ADNP2: variants seen among roughly 807,000 people sequenced by gnomAD.
ADNP2 encodes activity-dependent neuroprotector homeobox protein 2.
Under a neutral mutation model 16.4 loss-of-function variants are expected in ADNP2, and 8 were observed. The ratio of observed to expected loss-of-function variants is 0.49; its 90% CI spans 0.29 to 0.88. The LOEUF (loss-of-function observed/expected upper bound fraction) is 0.88, where lower values mean the gene tolerates loss of function less well. Ranked by LOEUF, ADNP2 falls within the 40% of genes least tolerant of loss-of-function variation. The pLI is 0.09. For synonymous variants in ADNP2, 637 were observed against 545.8 expected (o/e 1.17, Z -2.33); for missense variants, 1,397 against 1,395.1 (o/e 1.00, Z -0.02).
intron 2 of ADNP2, among the ~76,000 whole-genome samples, chr18:80,124,065 C>T (rs927941393): frequency 4.6e-5 from 7 of 152,130 alleles, no homozygotes; most frequent in African/African-American, 1.4e-4. Context: ...AGTGAAGCCA[C>T]CTGTACCTGT....
chr18:80,136,885 A>G lies in ADNP2; in HGVS notation c.1472A>G (p.Gln491Arg). The G allele has an allele frequency of 6.2e-7, 1 of 1,614,124 alleles. No individual in the cohort carries two copies. Among genetic ancestry groups the G allele is most frequent in the Non-Finnish European group, 8.5e-7 (1 of 1,180,002 alleles). Residue 491 changes from glutamine (Q) to arginine (R), a missense_variant, in exon 4 of 4, where the codon CAG becomes CGG. Physicochemically the swap from Gln to Arg is conservative, Grantham distance 43. Coordinates refer to ENST00000262198, the MANE Select transcript of ADNP2 (RefSeq NM_014913.4). ...CAGTCAGGAGTTCTCCCTGTGGGCC[A>G]GACAGCTCCGTCACGGGTTCTTCCC... The part of the protein sequence containing the change: ...MVQSGVLPVG[Q>R]TAPSRVLPPG...
Position 80,138,815 on chromosome 18 carries a change from G to GT in ADNP2, c.*6_*7insT. 8.6e-7 allele frequency: 1 copy of GT among 1,166,122 alleles called. No homozygotes were observed. Among genetic ancestry groups the GT allele is most frequent in the Non-Finnish European group, 1.1e-6 (1 of 924,262 alleles). The allele number at this position is 1,166,122 out of a possible 1,614,324, so 72.2% of individuals were successfully genotyped here. Reference sequence around the variant, plus strand: ...ACTTTGAATATGAACCATAAAACTTGCAAAAAAAAAAAAAAGTAACTCTAA... The same window carrying GT: ...ACTTTGAATATGAACCATAAAACTTGTCAAAAAAAAAAAAAAGTAACTCTAA... On this transcript the variant is annotated 3_prime_UTR_variant, in exon 4 of 4. Coordinates refer to ENST00000262198, the MANE Select transcript of ADNP2 (RefSeq NM_014913.4).
At position 80,135,673 on chromosome 18, in the gene ADNP2, CATTCAAGAATCATTTACATCGTTACCAT is replaced by C. The variant is rs760149083; in HGVS notation, c.261_288del (p.Phe88LysfsTer9). Reference sequence around the variant, plus strand: ...AAATACTCTACAAAGGTGCTTACTTCATTCAAGAATCATTTACATCGTTACCATGAAGATGAAATTGACCAAGAGCTGG... The same window carrying C: ...AAATACTCTACAAAGGTGCTTACTTCGAAGATGAAATTGACCAAGAGCTGG... On this transcript the variant is annotated frameshift_variant, in exon 4 of 4. Transcript: ENST00000262198. LOFTEE classifies it low-confidence loss of function (END_TRUNC). 1 of 1,614,214 alleles carries C rather than the reference CATTCAAGAATCATTTACATCGTTACCAT, an allele frequency of 6.2e-7. No homozygotes were observed. Among genetic ancestry groups the C allele is most frequent in the African/African-American group, 1.3e-5 (1 of 75,050 alleles).
At chr18:80,134,658 A>G (rs2052520471) in intron 3 of ADNP2, among the ~76,000 whole-genome samples, 1 of 152,092 alleles carries the variant, frequency 6.6e-6, no homozygotes, top group South Asian at 2.1e-4. Context: ...GTCTTACTAG[A>G]TGTTAGAACA....
At chr18:80,127,649 A>C (rs143636809) in intron 2 of ADNP2, among the ~76,000 whole-genome samples, 1 of 152,194 alleles carries the variant, frequency 6.6e-6, no homozygotes, top group East Asian at 1.9e-4. Context: ...TACACACTGG[A>C]CATTGTGTTT....
At chr18:80,132,962 C>T (rs2052507758) in intron 2 of ADNP2, 141 bp from the exon 3 acceptor site, 1 of 639,688 alleles carries the variant, frequency 1.6e-6, no homozygotes, top group African/African-American at 1.9e-5. Context: ...CTCAAGTGAT[C>T]CACCCTCCTC....
Position 80,135,888 on chromosome 18 carries a change from A to G in ADNP2, c.475A>G (p.Lys159Glu). 6.2e-7 allele frequency: 1 copy of G among 1,614,244 alleles called. No homozygotes were observed. Among genetic ancestry groups the G allele is most frequent in the Non-Finnish European group, 8.5e-7 (1 of 1,180,042 alleles). ...CGATGTGATAAGTTTCACATGTCTAAAATGTAACTTTTCAAACACTTTGTA... is the reference window on the plus strand; with the variant it reads ...CGATGTGATAAGTTTCACATGTCTAGAATGTAACTTTTCAAACACTTTGTA... ...RSDVISFTCL[K>E]CNFSNTLYYS... The change falls in exon 4 of 4, where the codon AAA becomes GAA. Residue 159 changes from lysine to glutamate, a missense_variant. Physicochemically the swap from Lys to Glu is moderately conservative, Grantham distance 56 (BLOSUM62 1). Around this residue, in one of 3 missense-constraint regions of ADNP2, gnomAD observed 777 missense variants for 719.4 expected, o/e 1.08. Coordinates refer to ENST00000262198, the MANE Select transcript of ADNP2 (RefSeq NM_014913.4).
chr18:80,113,793 G>A (rs902564567), intron 1 of ADNP2, among the ~76,000 whole-genome samples: 1 of 152,070 alleles, frequency 6.6e-6, no homozygotes, highest in East Asian at 1.9e-4. Flanking sequence ...GTGGTATGTG[G>A]TTATGGTACT....
At position 80,136,446 on chromosome 18, in the gene ADNP2, C is replaced by G. The variant is rs1385331368; in HGVS notation, c.1033C>G (p.Leu345Val). ...CCCTCTGCCTGTGGGCCAGAACAGC[C>G]TCACCCTGCAGCCCCCAGCACCTCA... Reference protein sequence around the residue: ...SSPLPVGQNSLTLQPPAPQPV... With the variant: ...SSPLPVGQNSVTLQPPAPQPV... Residue 345 changes from leucine to valine, a missense_variant, in exon 4 of 4, where the codon CTC (leucine) becomes GTC (valine). Coordinates refer to ENST00000262198, the MANE Select transcript of ADNP2 (RefSeq NM_014913.4). The G allele has an allele frequency of 1.9e-6, 3 of 1,614,060 alleles. No individual in the cohort carries two copies. In the African/African-American group the frequency reaches 4.0e-5, roughly 22 times the overall value.
chr18:80,128,065 T>C (rs1033714245), intron 2 of ADNP2, among the ~76,000 whole-genome samples: 1 of 152,236 alleles, frequency 6.6e-6, no homozygotes, highest in Non-Finnish European at 1.5e-5. Flanking sequence ...AGTGAATTCT[T>C]GCTTTCTATC....
rs1268161945 is a variant in ADNP2, at chr18:80,136,352, G to C, written c.939G>C (p.Gln313His). Residue 313 changes from glutamine to histidine, a missense_variant, in exon 4 of 4, where the codon CAG (glutamine) becomes CAC (histidine). Physicochemically the swap from Gln to His is conservative, Grantham distance 24. Around this residue, in one of 3 missense-constraint regions of ADNP2, gnomAD observed 777 missense variants for 719.4 expected, o/e 1.08. Coordinates refer to ENST00000262198, the MANE Select transcript of ADNP2 (RefSeq NM_014913.4). Reference protein sequence around the residue: ...PAAGQPVTVAQGAPGSLTHSP... With the variant: ...PAAGQPVTVAHGAPGSLTHSP... ...CAGGACAGCCAGTGACTGTGGCCCA[G>C]GGTGCCCCTGGAAGCCTCACTCATT... 2.5e-6 allele frequency: 4 copies of C among 1,614,208 alleles called. No homozygotes were observed. Among genetic ancestry groups the C allele is most frequent in the Non-Finnish European group, 2.5e-6 (3 of 1,180,028 alleles).
chr18:80,113,699 T>A (rs561506441), intron 1 of ADNP2, among the ~76,000 whole-genome samples: 16 of 152,264 alleles, frequency 1.1e-4, no homozygotes, highest in East Asian at 7.7e-4. Flanking sequence ...TATAACATGA[T>A]TTCTGCCCTG....
At chr18:80,121,233 C>G (rs1229632831) in intron 2 of ADNP2, among the ~76,000 whole-genome samples, 1 of 152,116 alleles carries the variant, frequency 6.6e-6, no homozygotes, top group Non-Finnish European at 1.5e-5. Context: ...CCCTCACTTG[C>G]CATCCTAATA....
rs374902474 is a variant in ADNP2, at chr18:80,138,023, C to T, written c.2610C>T (p.Thr870=). 45 of 1,613,494 alleles carry T rather than the reference C, an allele frequency of 2.8e-5. No individual in the cohort carries two copies. The highest frequency in any genetic ancestry group is 3.3e-5 in the Admixed American group (2 of 60,000). Residue 870 remains threonine (T), a synonymous_variant, in exon 4 of 4, where the codon ACC becomes ACT. Coordinates refer to ENST00000262198, the MANE Select transcript of ADNP2 (RefSeq NM_014913.4). ...AGGCTGAGGGCACCCCCGGGAGCAC[C>T]GGCAAGCGAGTGTCCACCTGCCCCT... ...RPQAEGTPGS[T]GKRVSTCPFC...
Position 80,133,193 on chromosome 18 carries a change from G to C in ADNP2, c.198+1G>C. ...CTGGGAACCTTCTGGAAAGAAAGTG[G>C]TATGTATTTTTTGCATTTGTTTTTC... On this transcript the variant is annotated splice_donor_variant, in intron 3 of 3. Transcript: ENST00000262198. LOFTEE classifies it high-confidence loss of function. The C allele has an allele frequency of 6.2e-7, 1 of 1,610,238 alleles. No homozygotes were observed. The highest frequency in any genetic ancestry group is 8.5e-7 in the Non-Finnish European group (1 of 1,176,550).
intron 2 of ADNP2, among the ~76,000 whole-genome samples, chr18:80,122,926 A>T (rs982563280): frequency 2.6e-5 from 4 of 152,114 alleles, no homozygotes; most frequent in South Asian, 2.1e-4. Context: ...ACCGTTGAAT[A>T]TGATGTTAAT....
intron 2 of ADNP2, among the ~76,000 whole-genome samples, chr18:80,123,831 G>C (rs2052441114): frequency 6.6e-6 from 1 of 151,966 alleles, no homozygotes; most frequent in Non-Finnish European, 1.5e-5. Flanking sequence ...CCAGGTTCAA[G>C]CCATTCTCCT....
chr18:80,120,996 C>T (rs2052421296), intron 2 of ADNP2, among the ~76,000 whole-genome samples: 1 of 152,106 alleles, frequency 6.6e-6, no homozygotes, highest in Non-Finnish European at 1.5e-5. Context: ...GGTGTATATA[C>T]CTAGGAGTGG....
rs374200956 is a variant in ADNP2, at chr18:80,138,209, C to T, written c.2796C>T (p.Ala932=). 4.1e-5 allele frequency: 66 copies of T among 1,614,026 alleles called. No individual in the cohort carries two copies. The highest frequency in any genetic ancestry group is 8.8e-5 in the South Asian group (8 of 91,088). The change falls in exon 4 of 4, where the codon GCC becomes GCT. Residue 932 remains alanine, a synonymous_variant. Transcript: ENST00000262198. ...YTGNMTLAAI[A]VHLVRCRSAP... ...GAAATATGACCCTGGCTGCCATCGCCGTCCATTTGGTGCGCTGCAGAAGTG... is the reference window on the plus strand; with the variant it reads ...GAAATATGACCCTGGCTGCCATCGCTGTCCATTTGGTGCGCTGCAGAAGTG...
Sources: allele counts gnomAD v4.1 joint callset (sites outside exome capture counted in the v4.1 genomes callset), GRCh38; gene constraint gnomAD v4.1.1; regional missense constraint gnomAD v4.1.1; transcripts MANE v1.5; gene names NCBI Gene and HGNC (gene_info 2026-07-23, HGNC 2026-07-21).